PAX5: variants seen among roughly 807,000 people sequenced by gnomAD.
PAX5 encodes the protein paired box 5, also known as paired box protein Pax-5.
PAX5 carries 9 observed loss-of-function variants against 43.7 expected under a neutral mutation model. That is an observed-to-expected ratio of 0.21 (90% confidence interval 0.12 to 0.36). The LOEUF is 0.36. Ranked by LOEUF, PAX5 falls within the 10% of genes least tolerant of loss-of-function variation. PAX5 has a pLI of 1.00. For missense variants in PAX5, 383 were observed against 532.7 expected, an observed-to-expected ratio of 0.72 and a Z score of 2.77; for synonymous variants, 228 against 214.3, an observed-to-expected ratio of 1.06 and a Z score of -0.56.
chr9:36,863,304 C>T (rs761993230), intron 8 of PAX5, among the ~76,000 whole-genome samples: 22 of 152,174 alleles, frequency 1.4e-4, no homozygotes, highest in African/African-American at 4.8e-4. Flanking sequence ...CACTCTGTCG[C>T]CCAGGCTGGA....
rs936072547 is a variant in PAX5, at chr9:37,020,777, C to T, written c.71G>A (p.Gly24Glu). The T allele has an allele frequency of 6.2e-7, 1 of 1,614,012 alleles. No individual in the cohort carries two copies. The highest frequency in any genetic ancestry group is 8.5e-7 in the Non-Finnish European group (1 of 1,180,026). The change falls in exon 2 of 10, where the codon GGG becomes GAG. Residue 24 changes from glycine (G) to glutamate (E), a missense_variant. Physicochemically the swap from Gly to Glu is moderately conservative, Grantham distance 98. Coordinates refer to ENST00000358127, the MANE Select transcript of PAX5 (RefSeq NM_016734.3). ...RTGHGGVNQL[G>E]GVFVNGRPLP... ...TGGCCGTCCATTCACAAAAACCCCC[C>T]CAAGCTGATTCACTCCTCCATGTCC...
rs370871887 is a variant in PAX5 at position 36,844,464 on chromosome 9, A to G, written c.1099+2379T>C. 1.6e-3 allele frequency among the ~76,000 whole-genome samples: 242 copies of G among 151,674 alleles called. 1 individual carries two copies. Among genetic ancestry groups the G allele is most frequent in the African/African-American group, 5.6e-3 (230 of 41,194 alleles). ...GCTCTGTAGGGTTGCTGAGAGGACGACATCAGATAGCCCATGTAAAAAGGG... is the reference window on the plus strand; with the variant it reads ...GCTCTGTAGGGTTGCTGAGAGGACGGCATCAGATAGCCCATGTAAAAAGGG... On this transcript the variant is annotated intron_variant, in intron 9 of 9. Coordinates refer to ENST00000358127, the MANE Select transcript of PAX5 (RefSeq NM_016734.3).
intron 5 of PAX5, among the ~76,000 whole-genome samples, chr9:36,988,201 T>C (rs1836619760): frequency 6.6e-6 from 1 of 152,166 alleles, no homozygotes; most frequent in African/African-American, 2.4e-5. Context: ...TTCTCCAGTG[T>C]CGTGTCAGGC....
intron 8 of PAX5, among the ~76,000 whole-genome samples, chr9:36,854,583 A>G (rs1223481942): frequency 6.6e-6 from 1 of 152,184 alleles, no homozygotes; most frequent in African/African-American, 2.4e-5. Flanking sequence ...AAGGGCTTTC[A>G]GCTCTCAGAA....
chr9:37,026,430 A>G, intron 1 of PAX5: 2 of 999,360 alleles, frequency 2.0e-6, no homozygotes, highest in Non-Finnish European at 2.7e-6. Flanking sequence ...GCGCGGCTGC[A>G]GAGGTCCGAG....
chr9:37,013,981 T>A (rs1421712380), intron 3 of PAX5, among the ~76,000 whole-genome samples: 1 of 152,126 alleles, frequency 6.6e-6, no homozygotes, highest in Non-Finnish European at 1.5e-5. Context: ...AGTGAGGGTC[T>A]CCTACGCCCA....
At chr9:36,955,778 A>ATAT (rs1377679993) in intron 6 of PAX5, among the ~76,000 whole-genome samples, 2 of 77,048 alleles carry the variant, frequency 2.6e-5, no homozygotes, top group African/African-American at 7.2e-5. Flanking sequence ...TTCAAAAAAA[A>ATAT]AAAAATATAT....
At chr9:36,924,071 C>T (rs996929965) in intron 6 of PAX5, among the ~76,000 whole-genome samples, 66 of 152,302 alleles carry the variant, frequency 4.3e-4, no homozygotes, top group Middle Eastern at 6.8e-3. Context: ...TGAATTCCCA[C>T]CCTAATCCAA....
At chr9:36,933,329 C>A (rs1470178936) in intron 6 of PAX5, among the ~76,000 whole-genome samples, 1 of 152,224 alleles carries the variant, frequency 6.6e-6, no homozygotes, top group Non-Finnish European at 1.5e-5. Flanking sequence ...CTCGCCTCCT[C>A]TTCCTGGTGC....
At chr9:36,912,237 T>G (rs1330139630) in intron 7 of PAX5, among the ~76,000 whole-genome samples, 1 of 152,224 alleles carries the variant, frequency 6.6e-6, no homozygotes, top group Non-Finnish European at 1.5e-5. Flanking sequence ...CCCAGACACA[T>G]AGTAATAACT....
chr9:36,934,454 T>C (rs1831383444), intron 6 of PAX5, among the ~76,000 whole-genome samples: 1 of 152,274 alleles, frequency 6.6e-6, no homozygotes, highest in Non-Finnish European at 1.5e-5. Flanking sequence ...TATTGTACTA[T>C]AGTTTTACAA....
In PAX5 at chr9:36,966,823, A is replaced by G. The variant is rs1834484320; in HGVS notation, c.605-99T>C. On this transcript the variant is annotated intron_variant, in intron 5 of 9. Transcript: ENST00000358127. ...AGACTATGAAGAGGACCTGACCCCA[A>G]CTCCCTCCCTGACCAGAGAATACAC... The G allele has an allele frequency of 2.5e-5, 26 of 1,044,622 alleles. 1 individual carries two copies. In the South Asian group the frequency reaches 4.0e-4, roughly 16 times the overall value. 64.7% of individuals were successfully genotyped at this position (1,044,622 alleles called of 1,614,324 possible).
intron 8 of PAX5, among the ~76,000 whole-genome samples, chr9:36,874,580 T>A (rs1045769017): frequency 6.6e-6 from 1 of 152,196 alleles, no homozygotes; most frequent in East Asian, 1.9e-4. Flanking sequence ...GCACACATGG[T>A]TCCCAGCCCA....
chr9:36,924,769 A>AAGGAAAAGAGAAAGGGAGGGAGGG (rs1830484385), intron 6 of PAX5, among the ~76,000 whole-genome samples: 1 of 44,386 alleles, frequency 2.3e-5, no homozygotes, highest in African/African-American at 9.9e-5. Context: ...GGAAGGAAGG[A>AAGGAAAAGAGAAAGGGAGGGAGGG]AGGAAGGAAG....
intron 8 of PAX5, among the ~76,000 whole-genome samples, chr9:36,875,063 A>T (rs1237420162): frequency 2.6e-5 from 4 of 152,250 alleles, no homozygotes; most frequent in African/African-American, 9.6e-5. Context: ...CAGGACTGTG[A>T]CTCAGAACCA....
intron 7 of PAX5, among the ~76,000 whole-genome samples, chr9:36,901,689 A>G (rs1828410110): frequency 6.6e-6 from 1 of 152,104 alleles, no homozygotes; most frequent in Non-Finnish European, 1.5e-5. Context: ...CCACGCCCTA[A>G]ACACCTAATG....
intron 6 of PAX5, among the ~76,000 whole-genome samples, chr9:36,925,728 T>C (rs1027781622): frequency 6.6e-6 from 1 of 152,194 alleles, no homozygotes; most frequent in African/African-American, 2.4e-5. Flanking sequence ...CCAAAAATCC[T>C]TGGGAACAAG....
chr9:36,865,295 C>T (rs1028131891), intron 8 of PAX5, among the ~76,000 whole-genome samples: 3 of 152,234 alleles, frequency 2.0e-5, no homozygotes, highest in Non-Finnish European at 4.4e-5. Flanking sequence ...CCACACCTTG[C>T]CCTCTTGTCC....
At chr9:36,878,562 G>A (rs117692463) in intron 8 of PAX5, among the ~76,000 whole-genome samples, 2,339 of 152,348 alleles carry the variant, frequency 0.015, 24 homozygotes, top group Non-Finnish European at 0.025. Flanking sequence ...TGATGGGTGA[G>A]AGTCCAAGGT....
Sources: gnomAD v4.1 joint callset for allele counts (sites outside exome capture counted in the v4.1 genomes callset) on GRCh38, gnomAD v4.1.1 for gene constraint, MANE v1.5 for transcripts, NCBI Gene and HGNC (gene_info 2026-07-23, HGNC 2026-07-21) for gene names.